KAZN: variants seen among roughly 807,000 people sequenced by gnomAD.
KAZN encodes the protein kazrin.
In KAZN, 40 loss-of-function variants were observed where a neutral mutation model predicts 87.4. That is an observed-to-expected ratio of 0.46 (90% CI 0.36 to 0.60). The LOEUF is 0.60. KAZN is among the 20% of genes least tolerant of loss of function. The pLI, the probability that KAZN is intolerant of heterozygous loss-of-function variation, is 0.00. For missense variants in KAZN, 898 were observed against 1,073.9 expected (o/e 0.84, Z 2.29); for synonymous variants, 466 against 458.3 (o/e 1.02, Z -0.22).
At chr1:14,976,658 T>A (rs890925237) in intron 2 of KAZN, among the ~76,000 whole-genome samples, 17 of 152,160 alleles carry the variant, frequency 1.1e-4, no homozygotes. Flanking sequence ...TTGGCTGACC[T>A]GCGACGAGGC....
intron 1 of KAZN, among the ~76,000 whole-genome samples, chr1:14,914,386 C>T (rs895183974): frequency 6.6e-6 from 1 of 152,210 alleles, no homozygotes; most frequent in African/African-American, 2.4e-5. Context: ...ACAACTAAAC[C>T]CCCATCGGTG....
chr1:14,896,684 G>A (rs1655316948), intron 1 of KAZN, among the ~76,000 whole-genome samples: 1 of 152,144 alleles, frequency 6.6e-6, no homozygotes, highest in African/African-American at 2.4e-5. Flanking sequence ...ATCTTTTCTA[G>A]GGCCAAGAGA....
intron 1 of KAZN, among the ~76,000 whole-genome samples, chr1:13,968,761 A>G (rs1642032326): frequency 6.6e-6 from 1 of 152,046 alleles, no homozygotes; most frequent in Non-Finnish European, 1.5e-5. Flanking sequence ...CATGCTCACC[A>G]TTTCTCAGTA....
chr1:14,220,479 C>G (rs79677421), intron 2 of KAZN, among the ~76,000 whole-genome samples: 495 of 152,236 alleles, frequency 3.3e-3, no homozygotes, highest in African/African-American at 0.011. Flanking sequence ...CTTACATGCT[C>G]TTTGGAACTT....
chr1:15,093,799 G>T (rs1441987395), intron 8 of KAZN, among the ~76,000 whole-genome samples: 2 of 152,132 alleles, frequency 1.3e-5, no homozygotes, highest in African/African-American at 2.4e-5. Context: ...ATATGAGGGA[G>T]GTGTGTAGCA....
At chr1:14,690,614 A>G (rs551600488) in intron 1 of KAZN, among the ~76,000 whole-genome samples, 134 of 152,242 alleles carry the variant, frequency 8.8e-4, no homozygotes, top group Non-Finnish European at 1.7e-3. Flanking sequence ...GCTTTGGGGC[A>G]GAGCCATTCA....
chr1:14,474,106 A>G (rs1263308020), intron 2 of KAZN, among the ~76,000 whole-genome samples: 1 of 152,182 alleles, frequency 6.6e-6, no homozygotes, highest in Non-Finnish European at 1.5e-5. Context: ...TTCTTTGCCA[A>G]ATCCCAGCAC....
At position 14,810,680 on chromosome 1, in the gene KAZN, T is replaced by C. The variant is rs193198622; in HGVS notation, c.227-150004T>C. Among the ~76,000 whole-genome samples the C allele has an allele frequency of 3.7e-3, 562 of 152,288 alleles. 5 individuals are homozygous for C. Among genetic ancestry groups the C allele is most frequent in the Non-Finnish European group, 4.9e-3 (330 of 68,034 alleles). ...CAAATGATAGAGGCAGGATGTGAAC[T>C]CAGGCCTGCCGGATTCCAGGGTGTG... On this transcript the variant is annotated intron_variant, in intron 1 of 14. Coordinates refer to ENST00000376030, the MANE Select transcript of KAZN (RefSeq NM_201628.3).
intron 2 of KAZN, among the ~76,000 whole-genome samples, chr1:14,499,891 G>A (rs1224171990): frequency 6.6e-6 from 1 of 152,128 alleles, no homozygotes; most frequent in Non-Finnish European, 1.5e-5. Flanking sequence ...GCCGAGCTCT[G>A]CATCTGGCTA....
intron 1 of KAZN, among the ~76,000 whole-genome samples, chr1:13,938,719 C>T (rs534536321): frequency 1.3e-5 from 2 of 152,224 alleles, no homozygotes; most frequent in African/African-American, 4.8e-5. Flanking sequence ...GGGACCACCT[C>T]TGCAGCAGGC....
At chr1:14,586,583 T>G (rs1001417961) in intron 2 of KAZN, among the ~76,000 whole-genome samples, 2 of 148,160 alleles carry the variant, frequency 1.3e-5, no homozygotes, top group Non-Finnish European at 3.0e-5. Flanking sequence ...GGTGCTGGAG[T>G]GCGGTGGCAC....
intron 2 of KAZN, among the ~76,000 whole-genome samples, chr1:14,395,057 C>A (rs563166346): frequency 7.9e-5 from 12 of 151,964 alleles, no homozygotes; most frequent in African/African-American, 2.7e-4. Flanking sequence ...ACAGAATAGG[C>A]CCTACTGGGG....
chr1:14,026,396 T>C (rs1265507371), intron 1 of KAZN, among the ~76,000 whole-genome samples: 1 of 152,198 alleles, frequency 6.6e-6, no homozygotes, highest in Non-Finnish European at 1.5e-5. Context: ...AGAGCCAGGC[T>C]TGAAGACCCT....
chr1:13,975,522 G>A (rs890243376), intron 1 of KAZN, among the ~76,000 whole-genome samples: 2 of 152,264 alleles, frequency 1.3e-5, no homozygotes, highest in Admixed American at 6.5e-5. Flanking sequence ...CTTTCTCTAT[G>A]TATTTGTTTA....
chr1:14,691,715 G>A (rs1641321458), intron 1 of KAZN, among the ~76,000 whole-genome samples: 1 of 152,052 alleles, frequency 6.6e-6, no homozygotes, highest in Non-Finnish European at 1.5e-5. Context: ...TCAAACTCCC[G>A]ACCTCAAGTG....
chr1:14,412,604 A>G, intron 2 of KAZN, among the ~76,000 whole-genome samples: 1 of 152,040 alleles, frequency 6.6e-6, no homozygotes, highest in Non-Finnish European at 1.5e-5. Context: ...TTATTAAAAT[A>G]CATAAAAGAA....
At chr1:14,551,534 T>C (rs181725811) in intron 2 of KAZN, among the ~76,000 whole-genome samples, 39 of 152,324 alleles carry the variant, frequency 2.6e-4, no homozygotes, top group Admixed American at 2.4e-3. Flanking sequence ...TGTTGGCTGG[T>C]TGGTTACAAA....
chr1:14,872,938 A>AGATGGATGGATGGATGGATG (rs143254162), intron 1 of KAZN, among the ~76,000 whole-genome samples: 22 of 146,120 alleles, frequency 1.5e-4, no homozygotes, highest in African/African-American at 5.6e-4. Context: ...ATGGATGGAT[A>AGATGGATGGATGGATGGATG]GATGGATGGA....
At chr1:14,639,175 C>T (rs1404732445) in intron 1 of KAZN, among the ~76,000 whole-genome samples, 2 of 152,172 alleles carry the variant, frequency 1.3e-5, no homozygotes, top group Admixed American at 6.5e-5. Context: ...GAGGCTGATG[C>T]ACTCGGTCAG....
Sources: gnomAD v4.1 joint callset for allele counts (sites outside exome capture counted in the v4.1 genomes callset) on GRCh38, gnomAD v4.1.1 for gene constraint, MANE v1.5 for transcripts, NCBI Gene and HGNC (gene_info 2026-07-23, HGNC 2026-07-21) for gene names.